C17orf67: variants seen among roughly 807,000 people sequenced by gnomAD.
C17orf67 encodes the protein chromosome 17 open reading frame 67.
A neutral mutation model predicts 11.2 loss-of-function variants in C17orf67; 12 were observed. That is an observed-to-expected ratio of 1.07 (90% confidence interval 0.68 to 1.73). The LOEUF is 1.73. C17orf67 is among the 40% of genes most tolerant of loss of function. The pLI is 0.00. For missense variants in C17orf67, 115 were observed against 113.5 expected, an observed-to-expected ratio of 1.01 and a Z score of -0.06; for synonymous variants, 59 against 46.9, an observed-to-expected ratio of 1.26 and a Z score of -1.05.
chr17:56,796,681 G>A (rs1033844911), intron 6 of C17orf67, among the ~76,000 whole-genome samples: 7 of 152,180 alleles, frequency 4.6e-5, no homozygotes, highest in South Asian at 4.2e-4. Flanking sequence ...GGCTATCTCC[G>A]GAATAGTTCT....
In C17orf67 at chr17:56,795,883, G is replaced by A. The variant is rs560475739; in HGVS notation, c.157-703C>T. Among the ~76,000 whole-genome samples, 17 of 152,304 alleles carry A rather than the reference G, an allele frequency of 1.1e-4. No individual in the cohort carries two copies. The South Asian group carries it at 3.3e-3, about 30-fold the overall frequency. On this transcript the variant is annotated intron_variant, in intron 6 of 7. Transcript: ENST00000397861. Reference sequence around the variant, plus strand: ...AGATGGGTCTTAGAAATAGCATACTGAGTGAAAAGTCCAAGTAACTACATT... The same window carrying A: ...AGATGGGTCTTAGAAATAGCATACTAAGTGAAAAGTCCAAGTAACTACATT...
rs182359343 is a variant in C17orf67, at chr17:56,809,010, G to A, written c.156+5859C>T. 2.0e-4 allele frequency among the ~76,000 whole-genome samples: 31 copies of A among 151,924 alleles called. 1 individual carries two copies. The highest frequency in any genetic ancestry group is 1.9e-3 in the Admixed American group (29 of 15,274). ...AAAATAACCTGACCAGTCATCTCTC[G>A]GTGATTTAGTGTGGAGGGGTGAGTG... is the stretch of plus-strand genomic sequence containing the variant. On this transcript the variant is annotated intron_variant, in intron 6 of 7. Coordinates refer to ENST00000397861, the MANE Select transcript of C17orf67 (RefSeq NM_001085430.4).
intron 1 of C17orf67, 80 bp downstream of exon 1, chr17:56,833,538 C>A (rs1457662869): frequency 6.7e-6 from 1 of 150,158 alleles, no homozygotes; most frequent in African/African-American, 2.4e-5. Context: ...CTGCCCCGCT[C>A]GCCCTCGGCC....
intron 7 of C17orf67, among the ~76,000 whole-genome samples, chr17:56,792,990 T>C (rs201424385): frequency 1.4e-5 from 2 of 139,632 alleles, no homozygotes; most frequent in Admixed American, 1.4e-4. Context: ...GGTGATGATG[T>C]TGGTGGTGGT....
At position 56,814,868 on chromosome 17, in the gene C17orf67, C is replaced by T. The variant is rs933495213; in HGVS notation, c.156+1G>A. 1.2e-6 allele frequency: 2 copies of T among 1,613,714 alleles called. No homozygotes were observed. The highest frequency in any genetic ancestry group is 4.5e-5 in the East Asian group (2 of 44,884). ...TAAAACTGCCAGAGCAAAGCACTCA[C>T]CCGCATTGGCTCATCGGGGAATCCG... On this transcript the variant is annotated splice_donor_variant, in intron 6 of 7. Transcript: ENST00000397861. LOFTEE classifies it high-confidence loss of function.
intron 6 of C17orf67, among the ~76,000 whole-genome samples, chr17:56,809,878 CCT>C (rs1205084966): frequency 9.2e-5 from 13 of 141,464 alleles, no homozygotes; most frequent in Non-Finnish European, 1.4e-4. Context: ...CCTTCACACA[CCT>C]CTCACACACA....
In C17orf67 at chr17:56,815,834, T is replaced by C; in HGVS notation, c.-24A>G. 1 of 1,613,796 alleles carries C rather than the reference T, an allele frequency of 6.2e-7. No homozygotes were observed. Among genetic ancestry groups the C allele is most frequent in the Non-Finnish European group, 8.5e-7 (1 of 1,179,812 alleles). On this transcript the variant is annotated 5_prime_UTR_variant, in exon 5 of 8. Transcript: ENST00000397861. ...ATCCTGCCTTGGTTCCTCTGCCTCT[T>C]GCTGAGTGAATCCTCCCAGACTGAG...
At position 56,799,777 on chromosome 17, in the gene C17orf67, G is replaced by A. The variant is rs1428211688; in HGVS notation, c.157-4597C>T. On this transcript the variant is annotated intron_variant, in intron 6 of 7. Coordinates refer to ENST00000397861, the MANE Select transcript of C17orf67 (RefSeq NM_001085430.4). ...CCAGATTTTGGCCATTCTAATAGGT[G>A]TATAGTGGCATCTCGTTGTTTTAAG... 5.3e-5 allele frequency among the ~76,000 whole-genome samples: 8 copies of A among 152,156 alleles called. 1 individual carries two copies. Among genetic ancestry groups the A allele is most frequent in the Admixed American group, 4.6e-4 (7 of 15,282 alleles).
At chr17:56,801,810 A>G (rs1256501829) in intron 6 of C17orf67, among the ~76,000 whole-genome samples, 1 of 152,204 alleles carries the variant, frequency 6.6e-6, no homozygotes, top group African/African-American at 2.4e-5. Flanking sequence ...CAGTCTTGTA[A>G]ATAAGGAACA....
intron 4 of C17orf67, among the ~76,000 whole-genome samples, chr17:56,821,323 T>C (rs752731237): frequency 2.6e-5 from 4 of 152,210 alleles, no homozygotes; most frequent in Non-Finnish European, 5.9e-5. Context: ...TCTTTTTTAC[T>C]GTCTACCTCA....
intron 2 of C17orf67, among the ~76,000 whole-genome samples, chr17:56,830,326 C>CA (rs1412051113): frequency 4.1e-5 from 6 of 144,744 alleles, no homozygotes; most frequent in African/African-American, 1.6e-4. Context: ...GTCTGGGTGA[C>CA]AGAGCGAGAC....
chr17:56,810,031 A>G (rs1002403727), intron 6 of C17orf67, among the ~76,000 whole-genome samples: 1 of 128,824 alleles, frequency 7.8e-6, no homozygotes, highest in African/African-American at 3.0e-5. Flanking sequence ...ACCCTCACAC[A>G]TGCATCCCTC....
At chr17:56,801,022 G>A (rs777588233) in intron 6 of C17orf67, among the ~76,000 whole-genome samples, 4 of 152,342 alleles carry the variant, frequency 2.6e-5, no homozygotes, top group East Asian at 3.9e-4. Flanking sequence ...GCACTCCAGC[G>A]CAGGCAACAG....
At chr17:56,820,996 C>A (rs1567799528) in intron 4 of C17orf67, among the ~76,000 whole-genome samples, 1 of 152,052 alleles carries the variant, frequency 6.6e-6, no homozygotes, top group South Asian at 2.1e-4. Flanking sequence ...TGCAGCCTCA[C>A]CCTCCTGGGT....
At position 56,795,491 on chromosome 17, in the gene C17orf67, C is replaced by A. The variant is rs75709753; in HGVS notation, c.157-311G>T. The stretch of plus-strand genomic sequence containing the variant: ...ATTTCACTCCTACTTTATACCCTAG[C>A]GCAGTGGACGTCAAACTTTATCAGA... On this transcript the variant is annotated intron_variant, in intron 6 of 7. Coordinates refer to ENST00000397861, the MANE Select transcript of C17orf67 (RefSeq NM_001085430.4). Among the ~76,000 whole-genome samples, 20 of 152,292 alleles carry A rather than the reference C, an allele frequency of 1.3e-4. 1 individual carries two copies. The East Asian group carries it at 3.9e-3, about 29-fold the overall frequency.
intron 6 of C17orf67, among the ~76,000 whole-genome samples, chr17:56,810,958 C>T (rs935068671): frequency 1.3e-5 from 2 of 152,204 alleles, no homozygotes; most frequent in Non-Finnish European, 2.9e-5. Context: ...ACCCAAGAGG[C>T]GTGAGTGGGT....
intron 6 of C17orf67, among the ~76,000 whole-genome samples, chr17:56,807,131 T>A (rs1310504589): frequency 6.6e-6 from 1 of 152,150 alleles, no homozygotes; most frequent in African/African-American, 2.4e-5. Flanking sequence ...TAAAGCCACA[T>A]GGAGGGCAGA....
At chr17:56,806,196 G>C (rs181746864) in intron 6 of C17orf67, among the ~76,000 whole-genome samples, 1 of 151,760 alleles carries the variant, frequency 6.6e-6, no homozygotes, top group East Asian at 1.9e-4. Flanking sequence ...GGATGGTCTC[G>C]ATCTCCTGAC....
At chr17:56,820,944 C>G (rs754875067) in intron 4 of C17orf67, among the ~76,000 whole-genome samples, 1 of 152,090 alleles carries the variant, frequency 6.6e-6, no homozygotes, top group Admixed American at 6.5e-5. Flanking sequence ...GGGTCTTGCT[C>G]TGTCGCCCAG....
Sources: gnomAD v4.1 joint callset for allele counts (sites outside exome capture counted in the v4.1 genomes callset) on GRCh38, gnomAD v4.1.1 for gene constraint, MANE v1.5 for transcripts, NCBI Gene and HGNC (gene_info 2026-07-23, HGNC 2026-07-21) for gene names.